The following ASTN2 variants were observed in gnomAD, a reference collection of about 807,000 sequenced individuals.
ASTN2 encodes astrotactin 2.
Under a neutral mutation model 139.8 loss-of-function variants are expected in ASTN2, and 54 were observed. That is an observed-to-expected ratio of 0.39 (90% confidence interval 0.31 to 0.48). ASTN2 has a LOEUF of 0.48. Ranked by LOEUF, ASTN2 falls within the 20% of genes least tolerant of loss-of-function variation. The probability of loss-of-function intolerance (pLI) is 0.95; values close to 1 mark genes in which losing one functional copy is unlikely to be tolerated. For synonymous variants in ASTN2, 756 were observed against 719.5 expected, an observed-to-expected ratio of 1.05 and a Z score of -0.81; for missense variants, 1,565 against 1,725.1, an observed-to-expected ratio of 0.91 and a Z score of 1.64.
chr9:116,561,864 C>T (rs542574901), intron 19 of ASTN2: 2 of 152,272 alleles, frequency 1.3e-5, no homozygotes, highest in Admixed American at 1.3e-4. Context: ...ATAGGTGTCC[C>T]CTTTTCATTC....
chr9:117,153,537 G>C (rs1035266463), intron 3 of ASTN2, among the ~76,000 whole-genome samples: 1 of 152,200 alleles, frequency 6.6e-6, no homozygotes. Flanking sequence ...GCGTGAGTGA[G>C]GCAAACAGAG....
chr9:117,104,150 C>T (rs182022331), intron 4 of ASTN2, among the ~76,000 whole-genome samples: 1 of 152,290 alleles, frequency 6.6e-6, no homozygotes, highest in Admixed American at 6.5e-5. Context: ...TCTTGGGATT[C>T]ATGCTGAATT....
chr9:117,027,382 A>C (rs1729098856), intron 6 of ASTN2, among the ~76,000 whole-genome samples: 1 of 151,942 alleles, frequency 6.6e-6, no homozygotes, highest in Non-Finnish European at 1.5e-5. Context: ...TGCTTCCATA[A>C]CTCCCAACCT....
chr9:116,919,229 G>T (rs1001828467), intron 10 of ASTN2, among the ~76,000 whole-genome samples: 3 of 152,172 alleles, frequency 2.0e-5, no homozygotes, highest in Non-Finnish European at 4.4e-5. Flanking sequence ...AAAACAAGAA[G>T]TTTGATGTGG....
At chr9:116,670,733 T>C (rs1182209472) in intron 16 of ASTN2, among the ~76,000 whole-genome samples, 4 of 152,116 alleles carry the variant, frequency 2.6e-5, no homozygotes, top group African/African-American at 9.7e-5. Context: ...TGGCAGAAAT[T>C]AGGCCTATGA....
At chr9:116,557,116 C>G (rs142155370) in intron 19 of ASTN2, among the ~76,000 whole-genome samples, 6,710 of 147,116 alleles carry the variant, frequency 0.046, 533 homozygotes, top group African/African-American at 0.16. Flanking sequence ...CCCAGCTACT[C>G]GGGAGGCTGA....
chr9:116,765,251 C>A (rs974233342), intron 13 of ASTN2, among the ~76,000 whole-genome samples: 9 of 152,156 alleles, frequency 5.9e-5, no homozygotes, highest in Non-Finnish European at 1.2e-4. Flanking sequence ...TCTCTGCATT[C>A]ATCAACCAGA....
intron 10 of ASTN2, among the ~76,000 whole-genome samples, chr9:116,917,227 T>A (rs571576359): frequency 7.9e-5 from 12 of 152,232 alleles, no homozygotes; most frequent in African/African-American, 2.4e-4. Context: ...TCTCCATAGG[T>A]CCCTTGATCC....
intron 1 of ASTN2, among the ~76,000 whole-genome samples, chr9:117,297,690 G>T (rs977480390): frequency 6.6e-6 from 1 of 152,216 alleles, no homozygotes; most frequent in Non-Finnish European, 1.5e-5. Context: ...GGATGGTGGG[G>T]ATGGGGGATT....
chr9:116,505,360 A>G (rs1466100734), intron 19 of ASTN2, among the ~76,000 whole-genome samples: 1 of 151,442 alleles, frequency 6.6e-6, no homozygotes, highest in African/African-American at 2.4e-5. Context: ...CCCTGTTTCC[A>G]CCTCTCCCTT....
intron 1 of ASTN2, among the ~76,000 whole-genome samples, chr9:117,319,754 G>A (rs1218977152): frequency 6.6e-6 from 1 of 152,060 alleles, no homozygotes; most frequent in Admixed American, 6.6e-5. Context: ...GCATTATTAA[G>A]GCTCAATGAG....
At chr9:116,946,954 A>AAC (rs1360777032) in intron 10 of ASTN2, among the ~76,000 whole-genome samples, 1 of 150,158 alleles carries the variant, frequency 6.7e-6, no homozygotes, top group Non-Finnish European at 1.5e-5. Context: ...AAAAAAAACA[A>AAC]CCCAGATTGT....
At chr9:116,692,418 T>C (rs1860617161) in intron 16 of ASTN2, among the ~76,000 whole-genome samples, 1 of 152,228 alleles carries the variant, frequency 6.6e-6, no homozygotes, top group Admixed American at 6.5e-5. Context: ...AAAACTATTA[T>C]TTATGTATAG....
At chr9:116,836,570 A>AGTTTTGTTTTGTTTT (rs59997144) in intron 11 of ASTN2, among the ~76,000 whole-genome samples, 57 of 150,360 alleles carry the variant, frequency 3.8e-4, no homozygotes, top group Non-Finnish European at 7.2e-4. Flanking sequence ...TAGGGAGAGC[A>AGTTTTGTTTTGTTTT]GTTTTGTTTT....
intron 2 of ASTN2, among the ~76,000 whole-genome samples, chr9:117,285,008 G>T (rs1446161410): frequency 5.3e-5 from 8 of 152,276 alleles, no homozygotes; most frequent in Non-Finnish European, 1.0e-4. Flanking sequence ...TACATGTCAA[G>T]TACAATCACA....
intron 19 of ASTN2, among the ~76,000 whole-genome samples, chr9:116,514,974 C>T (rs1358442060): frequency 6.6e-6 from 1 of 152,118 alleles, no homozygotes; most frequent in Non-Finnish European, 1.5e-5. Context: ...CCTGCTTTGG[C>T]TCACGCTTGG....
At chr9:117,288,791 T>C (rs1834512538) in intron 2 of ASTN2, among the ~76,000 whole-genome samples, 1 of 152,194 alleles carries the variant, frequency 6.6e-6, no homozygotes, top group African/African-American at 2.4e-5. Flanking sequence ...CTGAGGGATC[T>C]TAGACAAGTC....
chr9:116,584,293 G>T (rs1206056160), intron 19 of ASTN2: 1 of 151,552 alleles, frequency 6.6e-6, no homozygotes, highest in Non-Finnish European at 1.5e-5. Context: ...GACCATGGGG[G>T]TGAAGACAGC....
At chr9:116,578,624 G>A (rs1013944602) in intron 19 of ASTN2, among the ~76,000 whole-genome samples, 2 of 29,770 alleles carry the variant, frequency 6.7e-5, no homozygotes, top group African/African-American at 2.0e-4. Context: ...TCCAACGTGT[G>A]TGTGTGTGTG....
Sources: gnomAD v4.1 joint callset for allele counts (sites outside exome capture counted in the v4.1 genomes callset) on GRCh38, gnomAD v4.1.1 for gene constraint, MANE v1.5 for transcripts, NCBI Gene and HGNC (gene_info 2026-07-23, HGNC 2026-07-21) for gene names.